The following ABCB5 variants were observed in gnomAD, a reference collection of about 807,000 sequenced individuals.
ABCB5 encodes the protein ATP-binding cassette sub-family B member 5.
A neutral mutation model predicts 144.2 loss-of-function variants in ABCB5; 155 were observed. That is an observed-to-expected ratio of 1.08 (90% CI 0.94 to 1.23). ABCB5 has a LOEUF of 1.23. Among genes scored for constraint, ABCB5 ranks in the 50% most tolerant of loss-of-function variants. The pLI is 0.00. For synonymous variants in ABCB5, 610 were observed against 528.6 expected (o/e 1.15, Z -2.11); for missense variants, 1,830 against 1,520.8 (o/e 1.20, Z -3.38).
chr7:20,648,097 C>T lies in ABCB5; in HGVS notation c.1206+19C>T, dbSNP rs147357794. The stretch of plus-strand genomic sequence containing the variant: ...TATCAAGGTAGGTTAAAACAAATTA[C>T]GCAATTGTGCAGTTTTCTGATATTA... On this transcript the variant is annotated intron_variant, in intron 11 of 27. Coordinates refer to ENST00000404938, the MANE Select transcript of ABCB5 (RefSeq NM_001163941.2). The T allele has an allele frequency of 2.7e-4, 385 of 1,408,278 alleles. No homozygotes were observed. Among genetic ancestry groups the T allele is most frequent in the Middle Eastern group, 1.8e-3 (9 of 5,004 alleles). 87.2% of individuals were successfully genotyped at this position (1,408,278 alleles called of 1,614,324 possible). A position where few individuals can be genotyped will look rare whatever the true frequency, so the allele number is the denominator to read the frequency against.
In ABCB5 at chr7:20,727,148, T is replaced by C. The variant is rs767597938; in HGVS notation, c.2726+8T>C. On this transcript the variant is annotated splice_region_variant and intron_variant, in intron 22 of 27. Transcript: ENST00000404938. The stretch of plus-strand genomic sequence containing the variant: ...GCTTCAGACTCAACACAGGTGATTA[T>C]AGATTCATACTGACTTCAAAAACTT... The C allele has an allele frequency of 3.1e-6, 5 of 1,608,620 alleles. No homozygotes were observed. Among genetic ancestry groups the C allele is most frequent in the Non-Finnish European group, 4.3e-6 (5 of 1,176,184 alleles).
intron 15 of ABCB5, 39 bp from the exon 16 acceptor site, chr7:20,685,657 G>T: frequency 6.6e-7 from 1 of 1,523,166 alleles, no homozygotes; most frequent in Non-Finnish European, 8.9e-7. Flanking sequence ...AATTTTTAAG[G>T]CATTCTTATA....
chr7:20,677,037 A>G (rs1785637381), intron 14 of ABCB5, among the ~76,000 whole-genome samples: 1 of 152,236 alleles, frequency 6.6e-6, no homozygotes, highest in Non-Finnish European at 1.5e-5. Context: ...TGTATTAATT[A>G]TTATAGTTAC....
In ABCB5 at chr7:20,707,239, T is replaced by G. The variant is rs192678688; in HGVS notation, c.2421+2432T>G. On this transcript the variant is annotated intron_variant, in intron 20 of 27. Coordinates refer to ENST00000404938, the MANE Select transcript of ABCB5 (RefSeq NM_001163941.2). ...CTCCTTAATAATAACAAATCTTAGT[T>G]TGAAACCTTTAACTCATGACTGTAA... 1.4e-3 allele frequency among the ~76,000 whole-genome samples: 214 copies of G among 152,350 alleles called. 2 individuals are homozygous for G. Among genetic ancestry groups the G allele is most frequent in the Middle Eastern group, 3.4e-3 (1 of 294 alleles).
chr7:20,712,158 C>CAAAA (rs34938819), intron 20 of ABCB5, among the ~76,000 whole-genome samples: 25 of 52,604 alleles, frequency 4.8e-4, no homozygotes, highest in African/African-American at 1.1e-3. Context: ...AAGACGCCGT[C>CAAAA]AAAAAAAAAA....
chr7:20,665,082 CCATT>C (rs1785129370), intron 14 of ABCB5, among the ~76,000 whole-genome samples: 1 of 152,094 alleles, frequency 6.6e-6, no homozygotes, highest in Non-Finnish European at 1.5e-5. Context: ...AAACATTTTA[CCATT>C]ATTATGTTAT....
chr7:20,694,547 G>C (rs1786343368), intron 16 of ABCB5, among the ~76,000 whole-genome samples: 1 of 151,988 alleles, frequency 6.6e-6, no homozygotes, highest in African/African-American at 2.4e-5. Context: ...AACAAGGCAA[G>C]GGCATACACT....
rs1217124322 is a variant in ABCB5 at position 20,623,130 on chromosome 7, G to A, written c.-21-135G>A. ...TAGCCAGAAACTTCAATTGGAGTGG[G>A]GGGCTGGGCAGGGCGAAATTCTGAG... On this transcript the variant is annotated intron_variant, in intron 1 of 27. Coordinates refer to ENST00000404938, the MANE Select transcript of ABCB5 (RefSeq NM_001163941.2). 6 of 590,042 alleles carry A rather than the reference G, an allele frequency of 1.0e-5. No individual in the cohort carries two copies. In the East Asian group the frequency reaches 1.2e-4, roughly 12 times the overall value. 36.6% of individuals were successfully genotyped at this position (590,042 alleles called of 1,614,324 possible). A position where few individuals can be genotyped will look rare whatever the true frequency, so the allele number is the denominator to read the frequency against.
intron 16 of ABCB5, among the ~76,000 whole-genome samples, chr7:20,689,363 G>A (rs970052259): frequency 1.3e-5 from 2 of 152,118 alleles, no homozygotes; most frequent in African/African-American, 4.8e-5. Context: ...CTGCCCTCAA[G>A]GGTGGCAAGG....
intron 23 of ABCB5, among the ~76,000 whole-genome samples, 163 bp from the exon 24 acceptor site, chr7:20,738,820 T>C (rs1583462260): frequency 6.6e-6 from 1 of 152,194 alleles, no homozygotes; most frequent in South Asian, 2.1e-4. Context: ...TACTACATGG[T>C]AGAAATTTTT....
intron 4 of ABCB5, among the ~76,000 whole-genome samples, chr7:20,630,730 C>T (rs769742342): frequency 4.6e-5 from 7 of 152,120 alleles, no homozygotes; most frequent in Non-Finnish European, 1.0e-4. Flanking sequence ...GGCAACCTGG[C>T]AACCTAAGGC....
chr7:20,700,585 T>G (rs1385162058), intron 19 of ABCB5, among the ~76,000 whole-genome samples: 1 of 152,254 alleles, frequency 6.6e-6, no homozygotes. Context: ...CTCTCTGCCT[T>G]TATCAGAAGA....
intron 1 of ABCB5, among the ~76,000 whole-genome samples, chr7:20,622,075 G>C (rs1427494959): frequency 2.0e-5 from 3 of 152,072 alleles, no homozygotes; most frequent in African/African-American, 7.2e-5. Flanking sequence ...GATAAGCTTG[G>C]TAAAGCACAG....
chr7:20,634,983 A>G (rs941222487), intron 5 of ABCB5, among the ~76,000 whole-genome samples: 1 of 152,030 alleles, frequency 6.6e-6, no homozygotes, highest in Non-Finnish European at 1.5e-5. Flanking sequence ...TGTCAAGGCC[A>G]ATGTCCGGAA....
intron 1 of ABCB5, among the ~76,000 whole-genome samples, chr7:20,619,905 G>C (rs1475031385): frequency 6.6e-6 from 1 of 152,080 alleles, no homozygotes; most frequent in African/African-American, 2.4e-5. Context: ...GGCTAGCCAG[G>C]TATCCCAGCA....
intron 21 of ABCB5, among the ~76,000 whole-genome samples, chr7:20,724,728 T>C (rs771905265): frequency 5.3e-5 from 8 of 151,884 alleles, no homozygotes; most frequent in Non-Finnish European, 8.8e-5. Context: ...ATGATGTTAA[T>C]ATCCTTTATA....
At chr7:20,713,512 A>G (rs1052230044) in intron 20 of ABCB5, among the ~76,000 whole-genome samples, 8 of 149,926 alleles carry the variant, frequency 5.3e-5, no homozygotes. Context: ...CTGGGATTAC[A>G]GGTGTGAGCC....
At chr7:20,711,389 A>T (rs1408207211) in intron 20 of ABCB5, among the ~76,000 whole-genome samples, 2 of 147,444 alleles carry the variant, frequency 1.4e-5, no homozygotes, top group East Asian at 2.0e-4. Flanking sequence ...TCTTTATTTC[A>T]CCTTAATTTT....
intron 23 of ABCB5, among the ~76,000 whole-genome samples, chr7:20,737,265 G>A (rs1023526804): frequency 6.6e-6 from 1 of 151,776 alleles, no homozygotes; most frequent in African/African-American, 2.4e-5. Context: ...AACCCTCATC[G>A]GCATCAGCCC....
Sources: allele counts gnomAD v4.1 joint callset (sites outside exome capture counted in the v4.1 genomes callset), GRCh38; gene constraint gnomAD v4.1.1; transcripts MANE v1.5; gene names NCBI Gene and HGNC (gene_info 2026-07-23, HGNC 2026-07-21).